Variants in SLC1A1 observed in about 807,000 individuals in gnomAD.
SLC1A1 encodes the protein solute carrier family 1 member 1.
SLC1A1 carries 43 observed loss-of-function variants against 53.3 expected under a neutral mutation model. That is an observed-to-expected ratio of 0.81 (90% CI 0.63 to 1.04). The LOEUF is 1.04. SLC1A1 is among the 50% of genes least tolerant of loss of function. The probability of loss-of-function intolerance (pLI) is 0.00; values close to 1 mark genes in which losing one functional copy is unlikely to be tolerated. For synonymous variants in SLC1A1, 307 were observed against 243.2 expected (o/e 1.26, Z -2.44); for missense variants, 748 against 664.9 (o/e 1.12, Z -1.37).
At chr9:4,535,689 A>G (rs565664467) in intron 1 of SLC1A1, among the ~76,000 whole-genome samples, 3,336 of 152,198 alleles carry the variant, frequency 0.022, 124 homozygotes, top group African/African-American at 0.077. Context: ...GACTTTCTTC[A>G]CAGAATTGGA....
At chr9:4,535,221 G>C (rs538363517) in intron 1 of SLC1A1, among the ~76,000 whole-genome samples, 2 of 152,292 alleles carry the variant, frequency 1.3e-5, no homozygotes, top group Non-Finnish European at 2.9e-5. Flanking sequence ...AATCAGGCTG[G>C]AGAAGGAAAT....
At chr9:4,542,371 C>T (rs901370953) in intron 1 of SLC1A1, among the ~76,000 whole-genome samples, 1 of 152,150 alleles carries the variant, frequency 6.6e-6, no homozygotes, top group East Asian at 1.9e-4. Context: ...TTAAAAAAAT[C>T]CTGTATCTGG....
At chr9:4,525,910 A>T (rs1816241009) in intron 1 of SLC1A1, among the ~76,000 whole-genome samples, 1 of 152,236 alleles carries the variant, frequency 6.6e-6, no homozygotes. Context: ...ACATAGATTT[A>T]TAAGATATTT....
chr9:4,584,436 C>T (rs1190921284), intron 11 of SLC1A1, among the ~76,000 whole-genome samples: 1 of 152,172 alleles, frequency 6.6e-6, no homozygotes, highest in Non-Finnish European at 1.5e-5. Flanking sequence ...TGCCAAGATA[C>T]CCAGATGAGT....
At chr9:4,550,511 C>T (rs1304481918) in intron 2 of SLC1A1, among the ~76,000 whole-genome samples, 1 of 152,132 alleles carries the variant, frequency 6.6e-6, no homozygotes, top group Non-Finnish European at 1.5e-5. Flanking sequence ...CCACCTAAGC[C>T]TTCCTAGTGG....
intron 11 of SLC1A1, among the ~76,000 whole-genome samples, chr9:4,585,104 G>A (rs1821469793): frequency 6.6e-6 from 1 of 152,172 alleles, no homozygotes; most frequent in Non-Finnish European, 1.5e-5. Flanking sequence ...GGAGACTTAG[G>A]GGAGTCATTG....
chr9:4,538,832 G>A (rs190260867), intron 1 of SLC1A1, among the ~76,000 whole-genome samples: 90 of 152,304 alleles, frequency 5.9e-4, no homozygotes, highest in Non-Finnish European at 1.0e-3. Context: ...GCAGGATGGA[G>A]AAACTATCCG....
At position 4,528,883 on chromosome 9, in the gene SLC1A1, A is replaced by T. The variant is rs986660498; in HGVS notation, c.92-15684A>T. On this transcript the variant is annotated intron_variant, in intron 1 of 11. Transcript: ENST00000262352. ...ACACATATCCGTGTCTTCATTAAGC[A>T]TCTTCCCCTCAGTGTCCCATCCAAA... is the stretch of plus-strand genomic sequence containing the variant. Among the ~76,000 whole-genome samples, 26 of 152,006 alleles carry T rather than the reference A, an allele frequency of 1.7e-4. 1 individual carries two copies. Among genetic ancestry groups the T allele is most frequent in the African/African-American group, 6.3e-4 (26 of 41,400 alleles).
intron 1 of SLC1A1, among the ~76,000 whole-genome samples, chr9:4,507,807 T>A (rs563003438): frequency 7.9e-5 from 12 of 152,246 alleles, no homozygotes; most frequent in African/African-American, 2.9e-4. Context: ...CAGAGGTCGA[T>A]CTGATCTTAA....
At chr9:4,578,916 G>C (rs1820808961) in intron 10 of SLC1A1, among the ~76,000 whole-genome samples, 1 of 152,216 alleles carries the variant, frequency 6.6e-6, no homozygotes, top group African/African-American at 2.4e-5. Flanking sequence ...GACTAAACTG[G>C]TCCCTAGGCC....
At chr9:4,504,536 C>G (rs1021214136) in intron 1 of SLC1A1, among the ~76,000 whole-genome samples, 1 of 152,218 alleles carries the variant, frequency 6.6e-6, no homozygotes, top group African/African-American at 2.4e-5. Context: ...GGAGATGTAA[C>G]AGGCTTGCTC....
At position 4,556,319 on chromosome 9, in the gene SLC1A1, C is replaced by G. The variant is rs781673052; in HGVS notation, c.233-5130C>G. On this transcript the variant is annotated intron_variant, in intron 2 of 11. Transcript: ENST00000262352. This position sits in a 1 kb window ranked among gnomAD's most constrained non-coding sequence, Gnocchi z 4.1. ...ACCGGCGTGAGCCACTACGCCCCGC[C>G]CCTATCTTTTATTATTACATTCAAC... Among the ~76,000 whole-genome samples the G allele has an allele frequency of 1.3e-5, 2 of 152,162 alleles. No homozygotes were observed. Among genetic ancestry groups the G allele is most frequent in the African/African-American group, 4.8e-5 (2 of 41,418 alleles).
In SLC1A1 at chr9:4,576,722, G is replaced by C. The variant is rs1820579963; in HGVS notation, c.1152G>C (p.Leu384Phe). ...TGGCAGCGGTGTTTATTGCACAGTTGAATGACCTGGACTTGGGCATTGGGC... is the reference window on the plus strand; with the variant it reads ...TGGCAGCGGTGTTTATTGCACAGTTCAATGACCTGGACTTGGGCATTGGGC... ...EAVAAVFIAQ[L>F]NDLDLGIGQI... is the part of the protein sequence containing the mutation. Residue 384 changes from leucine to phenylalanine, a missense_variant, in exon 10 of 12, where the codon TTG becomes TTC. By Grantham distance (22) the Leu-to-Phe change is conservative. Coordinates refer to ENST00000262352, the MANE Select transcript of SLC1A1 (RefSeq NM_004170.6). The C allele has an allele frequency of 6.2e-7, 1 of 1,614,096 alleles. No individual in the cohort carries two copies. The highest frequency in any genetic ancestry group is 8.5e-7 in the Non-Finnish European group (1 of 1,180,048).
chr9:4,518,393 G>C (rs1248252271), intron 1 of SLC1A1, among the ~76,000 whole-genome samples: 1 of 151,412 alleles, frequency 6.6e-6, no homozygotes, highest in Non-Finnish European at 1.5e-5. Flanking sequence ...TTGAGATAAG[G>C]TCTCACTCTG....
At chr9:4,514,149 G>T (rs1249389081) in intron 1 of SLC1A1, among the ~76,000 whole-genome samples, 1 of 152,168 alleles carries the variant, frequency 6.6e-6, no homozygotes, top group African/African-American at 2.4e-5. Context: ...GTTAACCATA[G>T]AACTGTACAC....
At chr9:4,557,813 G>A (rs10815021) in intron 2 of SLC1A1, among the ~76,000 whole-genome samples, 1 of 151,816 alleles carries the variant, frequency 6.6e-6, no homozygotes, top group African/African-American at 2.4e-5. Context: ...GTAGCACATG[G>A]ATAGAGCCAA....
chr9:4,544,274 T>TC (rs1370686795), intron 1 of SLC1A1, among the ~76,000 whole-genome samples: 1 of 152,218 alleles, frequency 6.6e-6, no homozygotes, highest in Non-Finnish European at 1.5e-5. Flanking sequence ...TGATTTTTTT[T>TC]CTCACAGTAT....
At chr9:4,539,985 A>C (rs1459799739) in intron 1 of SLC1A1, among the ~76,000 whole-genome samples, 1 of 152,136 alleles carries the variant, frequency 6.6e-6, no homozygotes, top group Non-Finnish European at 1.5e-5. Flanking sequence ...TGAAGCCTGG[A>C]CCCATGGCCC....
At chr9:4,497,839 A>G (rs1006134104) in intron 1 of SLC1A1, among the ~76,000 whole-genome samples, 2 of 152,278 alleles carry the variant, frequency 1.3e-5, no homozygotes, top group Admixed American at 6.5e-5. Context: ...TCTGATACCT[A>G]TACTCTCTGA....
Sources: gnomAD v4.1 joint callset for allele counts (sites outside exome capture counted in the v4.1 genomes callset) on GRCh38, gnomAD v4.1.1 for gene constraint, Gnocchi (gnomAD v3.1) non-coding constraint, MANE v1.5 for transcripts, NCBI Gene and HGNC (gene_info 2026-07-23, HGNC 2026-07-21) for gene names.